SH3GL3: variants seen among roughly 807,000 people sequenced by gnomAD.
The protein encoded by SH3GL3 is SH3 domain containing GRB2 like 3, endophilin A3.
SH3GL3 carries 33 observed loss-of-function variants against 47.7 expected under a neutral mutation model. That is an observed-to-expected ratio of 0.69 (90% confidence interval 0.52 to 0.92). The LOEUF (loss-of-function observed/expected upper bound fraction) is 0.92, where lower values mean the gene tolerates loss of function less well. Among genes scored for constraint, SH3GL3 ranks in the 40% least tolerant of loss-of-function variants. The probability of loss-of-function intolerance (pLI) is 0.00; values close to 1 mark genes in which losing one functional copy is unlikely to be tolerated. For synonymous variants in SH3GL3, 155 were observed against 148.8 expected (o/e 1.04, Z -0.30); for missense variants, 363 against 417.8 (o/e 0.87, Z 1.14).
At chr15:83,589,021 T>G (rs1367957237) in intron 8 of SH3GL3, among the ~76,000 whole-genome samples, 2 of 152,200 alleles carry the variant, frequency 1.3e-5, no homozygotes, top group East Asian at 3.8e-4. Context: ...CATCCTTTAT[T>G]TTTTTAACTC....
chr15:83,588,627 C>T, intron 7 of SH3GL3, 35 bp from the exon 8 acceptor site: 1 of 1,277,250 alleles, frequency 7.8e-7, no homozygotes, highest in Non-Finnish European at 1.1e-6. Context: ...CTTTCAACAT[C>T]AGATGTCTGG....
Position 83,608,673 on chromosome 15 carries a change from G to A in SH3GL3, c.839-9409G>A, listed in dbSNP as rs562705203. Among the ~76,000 whole-genome samples, 7 of 152,128 alleles carry A rather than the reference G, an allele frequency of 4.6e-5. No individual in the cohort carries two copies. In the South Asian group the frequency reaches 8.3e-4, roughly 18 times the overall value. On this transcript the variant is annotated intron_variant, in intron 8 of 8. Transcript: ENST00000427482. ...CCTGGCTCCATGCTTTCAAACACTC[G>A]GTGAGAGTTTGAAAATGAATTGGAA...
At chr15:83,573,860 C>T (rs2059598957) in intron 5 of SH3GL3, among the ~76,000 whole-genome samples, 1 of 152,162 alleles carries the variant, frequency 6.6e-6, no homozygotes, top group Non-Finnish European at 1.5e-5. Context: ...TGGTGCATGC[C>T]CTTGTGAAGC....
intron 4 of SH3GL3, among the ~76,000 whole-genome samples, chr15:83,569,924 G>A (rs2045735791): frequency 6.6e-6 from 1 of 152,124 alleles, no homozygotes; most frequent in Non-Finnish European, 1.5e-5. Flanking sequence ...TGTCTTGTAT[G>A]TTGATGAAGC....
In SH3GL3 at chr15:83,490,970, C is replaced by T. The variant is rs755712031; in HGVS notation, c.45+43392C>T. On this transcript the variant is annotated intron_variant, in intron 1 of 8. Coordinates refer to ENST00000427482, the MANE Select transcript of SH3GL3 (RefSeq NM_003027.5). ...ACAGTAAACTTGGAAAAGCCATTCT[C>T]ATCAGCACAGAAGCACTGAAAGAAG... 6.7e-5 allele frequency: 108 copies of T among 1,608,736 alleles called. 1 individual carries two copies. In the Middle Eastern group the frequency reaches 1.8e-3, roughly 27 times the overall value.
At chr15:83,566,375 T>A (rs867014424) in intron 3 of SH3GL3, among the ~76,000 whole-genome samples, 12,571 of 145,608 alleles carry the variant, frequency 0.086, 650 homozygotes, top group Middle Eastern at 0.19. Flanking sequence ...AGTGTGTGTG[T>A]GTGTGTGTGT....
At chr15:83,624,479 C>T in the SH3GL3 span, among the ~76,000 whole-genome samples, 6 of 152,138 alleles carry the variant, frequency 3.9e-5, no homozygotes, top group African/African-American at 7.2e-5. Context: ...CAACAAGAGA[C>T]GAGCTAACGG....
chr15:83,546,100 G>C (rs868518867), intron 1 of SH3GL3, among the ~76,000 whole-genome samples: 22 of 152,114 alleles, frequency 1.4e-4, no homozygotes, highest in Admixed American at 3.3e-4. Flanking sequence ...TGCCAGAAAT[G>C]GATCTTTCCC....
chr15:83,449,714 C>CTT (rs11361312), intron 1 of SH3GL3, among the ~76,000 whole-genome samples: 8 of 125,916 alleles, frequency 6.4e-5, no homozygotes, highest in African/African-American at 8.8e-5. Context: ...CTTATTTAGT[C>CTT]TTTTTTTTTT....
chr15:83,479,408 G>T (rs565802834), intron 1 of SH3GL3, among the ~76,000 whole-genome samples: 11 of 152,256 alleles, frequency 7.2e-5, no homozygotes, highest in Non-Finnish European at 1.6e-4. Flanking sequence ...TGAGTAGGGA[G>T]AGTGACGGGG....
chr15:83,619,579 T>C (rs1462491618), downstream of SH3GL3, among the ~76,000 whole-genome samples: 1 of 152,204 alleles, frequency 6.6e-6, no homozygotes, highest in Non-Finnish European at 1.5e-5. Context: ...AGAAGAGTTG[T>C]GTTTACACTA....
chr15:83,496,478 C>G (rs2042085241), intron 1 of SH3GL3, among the ~76,000 whole-genome samples: 1 of 152,046 alleles, frequency 6.6e-6, no homozygotes, highest in Non-Finnish European at 1.5e-5. Flanking sequence ...AGACATTAGC[C>G]TCATTTTATG....
intron 8 of SH3GL3, among the ~76,000 whole-genome samples, chr15:83,594,366 A>G (rs759678537): frequency 2.0e-5 from 3 of 152,204 alleles, no homozygotes; most frequent in Non-Finnish European, 2.9e-5. Context: ...AAATTTTAGA[A>G]TAGTTTTAGA....
intron 4 of SH3GL3, 31 bp downstream of exon 4, chr15:83,568,703 T>G (rs1327122626): frequency 6.3e-7 from 1 of 1,581,078 alleles, no homozygotes; most frequent in Admixed American, 1.7e-5. Context: ...CTGGGGGAGC[T>G]GAGAACTCCT....
intron 1 of SH3GL3, among the ~76,000 whole-genome samples, chr15:83,470,434 AG>A (rs2040779527): frequency 6.6e-6 from 1 of 152,148 alleles, no homozygotes; most frequent in African/African-American, 2.4e-5. Context: ...CACGTTGGCC[AG>A]GGGTTGGTCT....
At chr15:83,525,631 C>A (rs956758927) in intron 1 of SH3GL3, among the ~76,000 whole-genome samples, 1 of 152,010 alleles carries the variant, frequency 6.6e-6, no homozygotes, top group Non-Finnish European at 1.5e-5. Flanking sequence ...CCTGAGTTTT[C>A]TTCTGGTAGT....
chr15:83,527,441 T>C (rs1018019878), intron 1 of SH3GL3, among the ~76,000 whole-genome samples: 1 of 152,184 alleles, frequency 6.6e-6, no homozygotes, highest in African/African-American at 2.4e-5. Context: ...ATTTTCTTTA[T>C]TGATCCCCTT....
intron 2 of SH3GL3, among the ~76,000 whole-genome samples, chr15:83,562,071 ACACACACACACT>A (rs1249832853): frequency 3.9e-4 from 46 of 116,588 alleles, no homozygotes; most frequent in Non-Finnish European, 6.5e-4. Context: ...ACACACACAC[ACACACACACACT>A]ATAGTGTCCC....
At chr15:83,503,015 A>C (rs1258191273) in intron 1 of SH3GL3, among the ~76,000 whole-genome samples, 1 of 152,170 alleles carries the variant, frequency 6.6e-6, no homozygotes, top group Non-Finnish European at 1.5e-5. Flanking sequence ...GTGGCTTTTA[A>C]TAGAACATAA....
Sources: gnomAD v4.1 joint callset for allele counts (sites outside exome capture counted in the v4.1 genomes callset) on GRCh38, gnomAD v4.1.1 for gene constraint, MANE v1.5 for transcripts, NCBI Gene and HGNC (gene_info 2026-07-23, HGNC 2026-07-21) for gene names.